Variants in DGKB observed in about 807,000 individuals in gnomAD.
DGKB encodes the protein diacylglycerol kinase beta, also known as 90 kDa diacylglycerol kinase.
Under a neutral mutation model 114.3 loss-of-function variants are expected in DGKB, and 67 were observed. That is an observed-to-expected ratio of 0.59 (90% CI 0.48 to 0.72). The LOEUF (loss-of-function observed/expected upper bound fraction) is 0.72. Among genes scored for constraint, DGKB ranks in the 30% least tolerant of loss-of-function variants. The probability of loss-of-function intolerance (pLI) is 0.00; values close to 1 mark genes in which losing one functional copy is unlikely to be tolerated. For missense variants in DGKB, 907 were observed against 975.2 expected (o/e 0.93, Z 0.93); for synonymous variants, 398 against 323.1 (o/e 1.23, Z -2.49).
chr7:14,712,825 A>G (rs1827592928), intron 6 of DGKB, among the ~76,000 whole-genome samples: 1 of 152,142 alleles, frequency 6.6e-6, no homozygotes, highest in African/African-American at 2.4e-5. Context: ...CATTATTAAT[A>G]TTGAATTTTC....
chr7:14,328,212 G>T (rs1245527644), intron 23 of DGKB, among the ~76,000 whole-genome samples: 2 of 151,982 alleles, frequency 1.3e-5, no homozygotes, highest in African/African-American at 4.8e-5. Context: ...AGCATTAGTA[G>T]GAAAACAAGT....
rs1045506979 is a variant in DGKB, at chr7:14,496,747, T to G, written c.1771-18522A>C. 7.2e-5 allele frequency among the ~76,000 whole-genome samples: 11 copies of G among 151,816 alleles called. No homozygotes were observed. The South Asian group carries it at 1.2e-3, about 17-fold the overall frequency. ...GTTTTTGAAAACAGAAGCAATAACT[T>G]TTGCTACAAAGATGAAAACAGAGGA... On this transcript the variant is annotated intron_variant, in intron 20 of 25. Transcript: ENST00000402815.
intron 23 of DGKB, among the ~76,000 whole-genome samples, chr7:14,194,562 T>A (rs1471860628): frequency 1.3e-5 from 2 of 152,136 alleles, no homozygotes; most frequent in African/African-American, 4.8e-5. Flanking sequence ...AAGAGTCATT[T>A]AAAAAATCTA....
At chr7:14,443,934 T>C (rs926867799) in intron 21 of DGKB, among the ~76,000 whole-genome samples, 5 of 151,802 alleles carry the variant, frequency 3.3e-5, no homozygotes, top group Non-Finnish European at 5.9e-5. Flanking sequence ...CTTCTCTACT[T>C]AATATTTAAT....
intron 2 of DGKB, among the ~76,000 whole-genome samples, chr7:14,812,304 G>C (rs1586673611): frequency 1.3e-5 from 2 of 151,810 alleles, no homozygotes; most frequent in Non-Finnish European, 2.9e-5. Context: ...CCTGTCTTTA[G>C]TTTGGGGCCC....
At chr7:14,876,641 C>A (rs1853334989) in intron 1 of DGKB, among the ~76,000 whole-genome samples, 1 of 152,186 alleles carries the variant, frequency 6.6e-6, no homozygotes, top group South Asian at 2.1e-4. Flanking sequence ...TTACAAGTAG[C>A]ATCAAATTCA....
chr7:14,566,895 A>G (rs1797464896), intron 20 of DGKB, among the ~76,000 whole-genome samples: 2 of 151,324 alleles, frequency 1.3e-5, no homozygotes, highest in African/African-American at 4.9e-5. Context: ...TCTTTATATA[A>G]GCCTTTCCTG....
At chr7:14,631,345 G>C (rs1369922330) in intron 13 of DGKB, among the ~76,000 whole-genome samples, 1 of 151,248 alleles carries the variant, frequency 6.6e-6, no homozygotes, top group Non-Finnish European at 1.5e-5. Context: ...GCAGAATAGA[G>C]ATGGACTAAA....
intron 21 of DGKB, among the ~76,000 whole-genome samples, chr7:14,434,310 A>G (rs1003546643): frequency 1.3e-5 from 2 of 152,106 alleles, no homozygotes; most frequent in African/African-American, 4.8e-5. Context: ...GTTTCCCTAT[A>G]TAGTAAAGTG....
intron 5 of DGKB, among the ~76,000 whole-genome samples, chr7:14,730,991 C>A (rs568715751): frequency 1.3e-5 from 2 of 152,120 alleles, no homozygotes; most frequent in Non-Finnish European, 2.9e-5. Context: ...CTCTGAGAGC[C>A]TGCTAATTGA....
intron 1 of DGKB, among the ~76,000 whole-genome samples, chr7:14,931,432 T>C (rs534043465): frequency 1.3e-5 from 2 of 152,272 alleles, no homozygotes; most frequent in South Asian, 2.1e-4. Context: ...TTTAAAAGCA[T>C]CTATGTATCT....
chr7:14,168,477 G>T (rs945969918), intron 25 of DGKB, among the ~76,000 whole-genome samples: 4 of 152,198 alleles, frequency 2.6e-5, no homozygotes, highest in Non-Finnish European at 4.4e-5. Flanking sequence ...ACTAAAACAA[G>T]ATAGGCTCAA....
chr7:14,379,545 T>A (rs972753785), intron 21 of DGKB, among the ~76,000 whole-genome samples: 2 of 151,968 alleles, frequency 1.3e-5, no homozygotes, highest in East Asian at 3.9e-4. Context: ...CTTTAAGCAA[T>A]TGCTTTTTTT....
intron 2 of DGKB, among the ~76,000 whole-genome samples, chr7:14,808,142 G>C (rs1392276981): frequency 3.3e-5 from 5 of 151,984 alleles, no homozygotes; most frequent in Non-Finnish European, 7.4e-5. Flanking sequence ...ACTGCAAATT[G>C]TTGTTTTATT....
At chr7:14,967,278 A>T (rs544823873) in intron 1 of DGKB, among the ~76,000 whole-genome samples, 97 of 152,172 alleles carry the variant, frequency 6.4e-4, no homozygotes, top group African/African-American at 2.2e-3. Context: ...TTCACAGCAC[A>T]TCCTAAAGAA....
chr7:14,853,712 CAAA>C (rs1423067635), intron 1 of DGKB, among the ~76,000 whole-genome samples: 1 of 150,892 alleles, frequency 6.6e-6, no homozygotes, highest in Admixed American at 6.6e-5. Context: ...ACAACAACAA[CAAA>C]AAATTAGCCG....
chr7:14,406,306 G>A (rs768072495), intron 21 of DGKB, among the ~76,000 whole-genome samples: 2 of 151,968 alleles, frequency 1.3e-5, no homozygotes, highest in South Asian at 4.1e-4. Flanking sequence ...GAGCAAGTTG[G>A]CTCAGAACAG....
intron 20 of DGKB, among the ~76,000 whole-genome samples, chr7:14,558,711 G>A (rs1355427560): frequency 1.3e-5 from 2 of 152,140 alleles, no homozygotes; most frequent in Non-Finnish European, 2.9e-5. Flanking sequence ...AGATGTCTAA[G>A]TGAGAAACTC....
At chr7:14,946,112 T>G (rs1158865544) in intron 1 of DGKB, among the ~76,000 whole-genome samples, 1 of 140,524 alleles carries the variant, frequency 7.1e-6, no homozygotes, top group African/African-American at 3.2e-5. Flanking sequence ...ATCTCTTTCA[T>G]TTTGATTTGT....
Sources: allele counts gnomAD v4.1 joint callset (sites outside exome capture counted in the v4.1 genomes callset), GRCh38; gene constraint gnomAD v4.1.1; transcripts MANE v1.5; gene names NCBI Gene and HGNC (gene_info 2026-07-23, HGNC 2026-07-21).